TNFRSF8: variants seen among roughly 807,000 people sequenced by gnomAD.
TNFRSF8 encodes the protein TNF receptor superfamily member 8.
TNFRSF8 carries 26 observed loss-of-function variants against 70.8 expected under a neutral mutation model. The ratio of observed to expected loss-of-function variants is 0.37; its 90% CI spans 0.27 to 0.51. TNFRSF8 has a LOEUF of 0.51. TNFRSF8 is among the 20% of genes least tolerant of loss of function. TNFRSF8 has a pLI of 0.94. For synonymous variants in TNFRSF8, 356 were observed against 339.2 expected, an observed-to-expected ratio of 1.05 and a Z score of -0.54; for missense variants, 720 against 807.9, an observed-to-expected ratio of 0.89 and a Z score of 1.32.
At position 12,063,977 on chromosome 1, in the gene TNFRSF8, G is replaced by A. The variant is rs1640694044; in HGVS notation, c.63+316G>A. ...TAGCCCGCCTACCTGCGGGCCCGTC[G>A]GGGTCCTGGGCAGATCAGGTGAGGC... is the stretch of plus-strand genomic sequence containing the variant. On this transcript the variant is annotated intron_variant, in intron 1 of 14. Transcript: ENST00000263932. This position sits in a 1 kb window ranked among gnomAD's most constrained non-coding sequence, Gnocchi z 7.2. 1.3e-5 allele frequency among the ~76,000 whole-genome samples: 2 copies of A among 152,216 alleles called. No individual in the cohort carries two copies. The highest frequency in any genetic ancestry group is 2.4e-5 in the African/African-American group (1 of 41,462).
At position 12,138,265 on chromosome 1, in the gene TNFRSF8, G is replaced by A. The variant is rs770526274; in HGVS notation, c.1372G>A (p.Ala458Thr). ...RSGASVTEPV[A>T]EERGLMSQPL... ...TGGTGCGTCGGTGACAGAACCCGTCGCGGAAGAGCGAGGGTTAATGAGCCA... is the reference window on the plus strand; with the variant it reads ...TGGTGCGTCGGTGACAGAACCCGTCACGGAAGAGCGAGGGTTAATGAGCCA... The change falls in exon 14 of 15, where the codon GCG becomes ACG. Residue 458 changes from alanine to threonine, a missense_variant. By Grantham distance (58) the Ala-to-Thr change is moderately conservative (BLOSUM62 0). Coordinates refer to ENST00000263932, the MANE Select transcript of TNFRSF8 (RefSeq NM_001243.5). The surrounding 1 kb of genome is among the most constrained non-coding windows in gnomAD (Gnocchi z 5.7). 16 of 1,613,410 alleles carry A rather than the reference G, an allele frequency of 9.9e-6. No individual in the cohort carries two copies. Among genetic ancestry groups the A allele is most frequent in the East Asian group, 6.7e-5 (3 of 44,892 alleles).
intron 12 of TNFRSF8, among the ~76,000 whole-genome samples, chr1:12,131,805 T>A (rs1642053264): frequency 6.6e-6 from 1 of 151,946 alleles, no homozygotes. Context: ...GTCCTCATTT[T>A]TTTTTTGAGG....
At chr1:12,098,041 T>A (rs1026040658) in intron 3 of TNFRSF8, among the ~76,000 whole-genome samples, 2 of 152,218 alleles carry the variant, frequency 1.3e-5, no homozygotes, top group African/African-American at 4.8e-5. Context: ...TATTTTTGCT[T>A]CATATATGTC....
intron 4 of TNFRSF8, among the ~76,000 whole-genome samples, chr1:12,104,782 C>T (rs1396571566): frequency 1.3e-5 from 2 of 152,158 alleles, no homozygotes; most frequent in East Asian, 1.9e-4. Flanking sequence ...GGAGGTCTTG[C>T]TTTGGTTTGA....
intron 4 of TNFRSF8, among the ~76,000 whole-genome samples, chr1:12,105,571 T>TCACACA (rs1375624859): frequency 6.4e-5 from 3 of 47,150 alleles, no homozygotes; most frequent in Non-Finnish European, 1.7e-4. Context: ...TCTCTCTCTG[T>TCACACA]CTCACACACA....
Position 12,142,262 on chromosome 1 carries a change from G to A in TNFRSF8, c.1544-25G>A, listed in dbSNP as rs375850888. ...CCTGGCTGGTGCTCTGGCCTCCCTC[G>A]CTCACCCATCCTTTTGCCTTGCAGA... On this transcript the variant is annotated intron_variant, in intron 14 of 14. Coordinates refer to ENST00000263932, the MANE Select transcript of TNFRSF8 (RefSeq NM_001243.5). This position sits in a 1 kb window ranked among gnomAD's most constrained non-coding sequence, Gnocchi z 5.0. 60 of 1,551,688 alleles carry A rather than the reference G, an allele frequency of 3.9e-5. No individual in the cohort carries two copies. The highest frequency in any genetic ancestry group is 3.4e-4 in the African/African-American group (25 of 73,910).
chr1:12,063,764 C>T lies in TNFRSF8; in HGVS notation c.63+103C>T. The T allele has an allele frequency of 8.9e-7, 1 of 1,123,114 alleles. No homozygotes were observed. The allele number at this position is 1,123,114 out of a possible 1,614,324, so 69.6% of individuals were successfully genotyped here. A position where few individuals can be genotyped will look rare whatever the true frequency, so the allele number is the denominator to read the frequency against. ...AGGACACTCCTCACCCCGTTCCCTG[C>T]CCAGCTGGAGTGAGGGGGCGCGGGT... On this transcript the variant is annotated intron_variant, in intron 1 of 14. Coordinates refer to ENST00000263932, the MANE Select transcript of TNFRSF8 (RefSeq NM_001243.5). The surrounding 1 kb of genome is among the most constrained non-coding windows in gnomAD (Gnocchi z 7.2).
chr1:12,120,120 G>GGC (rs1206937197), intron 8 of TNFRSF8, among the ~76,000 whole-genome samples: 3 of 152,138 alleles, frequency 2.0e-5, no homozygotes, highest in African/African-American at 7.2e-5. Context: ...AACATTTTCA[G>GGC]ACATAAAAGG....
rs1570020396 is a variant in TNFRSF8 at position 12,097,095 on chromosome 1, T to C, written c.152-6T>C. ...TGGCTTGGAGCTTCTCTGTTTCTTT[T>C]CCCAGGGCTGTTCCCGACACAGCAG... On this transcript the variant is annotated splice_region_variant and splice_polypyrimidine_tract_variant and intron_variant, in intron 2 of 14. Coordinates refer to ENST00000263932, the MANE Select transcript of TNFRSF8 (RefSeq NM_001243.5). The C allele has an allele frequency of 1.2e-6, 2 of 1,612,900 alleles. No homozygotes were observed. Among genetic ancestry groups the C allele is most frequent in the Non-Finnish European group, 8.5e-7 (1 of 1,179,220 alleles).
chr1:12,082,292 T>C (rs1196553046), intron 1 of TNFRSF8, among the ~76,000 whole-genome samples: 1 of 152,142 alleles, frequency 6.6e-6, no homozygotes, highest in East Asian at 1.9e-4. Flanking sequence ...ACGCCTGTAA[T>C]CCCAGCATTG....
intron 1 of TNFRSF8, among the ~76,000 whole-genome samples, chr1:12,075,680 C>T (rs528240086): frequency 6.6e-6 from 1 of 152,274 alleles, no homozygotes; most frequent in Admixed American, 6.5e-5. Context: ...AATATATCAC[C>T]CTAGGTCCTG....
At chr1:12,106,721 A>G (rs1473543861) in intron 4 of TNFRSF8, among the ~76,000 whole-genome samples, 1 of 152,084 alleles carries the variant, frequency 6.6e-6, no homozygotes, top group African/African-American at 2.4e-5. Flanking sequence ...GCCTCCACCC[A>G]TAAGCAGGGG....
intron 3 of TNFRSF8, among the ~76,000 whole-genome samples, chr1:12,104,014 T>C (rs562844): frequency 0.46 from 69,625 of 151,836 alleles, 18,480 homozygotes; most frequent in African/African-American, 0.74. Context: ...CTGAGCTCGT[T>C]GGTTCACCTC....
chr1:12,098,404 T>A (rs1641366343), intron 3 of TNFRSF8, among the ~76,000 whole-genome samples: 1 of 152,064 alleles, frequency 6.6e-6, no homozygotes, highest in African/African-American at 2.4e-5. Flanking sequence ...AACATTGCCC[T>A]CCCCAGCCCT....
intron 10 of TNFRSF8, 57 bp from the exon 11 acceptor site, chr1:12,125,894 G>GGGCTGT (rs1376831313): frequency 1.4e-6 from 2 of 1,390,954 alleles, no homozygotes; most frequent in African/African-American, 1.4e-5. Context: ...TCTGGGGCTG[G>GGGCTGT]GGCTGTCTTG....
chr1:12,114,211 C>G (rs1641684419), intron 7 of TNFRSF8, among the ~76,000 whole-genome samples: 1 of 152,160 alleles, frequency 6.6e-6, no homozygotes, highest in Non-Finnish European at 1.5e-5. Flanking sequence ...CCTCAGTTTC[C>G]TCTGCTGCAA....
intron 8 of TNFRSF8, among the ~76,000 whole-genome samples, chr1:12,121,756 G>A (rs1044819657): frequency 6.6e-6 from 1 of 152,176 alleles, no homozygotes; most frequent in East Asian, 1.9e-4. Flanking sequence ...GAAATTATAC[G>A]TTCACACAGA....
At chr1:12,065,629 A>G (rs1640727879) in intron 1 of TNFRSF8, among the ~76,000 whole-genome samples, 1 of 152,148 alleles carries the variant, frequency 6.6e-6, no homozygotes, top group Admixed American at 6.5e-5. Flanking sequence ...CATATACTAT[A>G]CCCTACAGTA....
chr1:12,071,018 T>C (rs1259182071), intron 1 of TNFRSF8, among the ~76,000 whole-genome samples: 1 of 152,186 alleles, frequency 6.6e-6, no homozygotes, highest in Non-Finnish European at 1.5e-5. Flanking sequence ...CCACATTATC[T>C]GTTCATTCGT....
Sources: gnomAD v4.1 joint callset for allele counts (sites outside exome capture counted in the v4.1 genomes callset) on GRCh38, gnomAD v4.1.1 for gene constraint, Gnocchi (gnomAD v3.1) non-coding constraint, MANE v1.5 for transcripts, NCBI Gene and HGNC (gene_info 2026-07-23, HGNC 2026-07-21) for gene names.